SLAMF7: variants seen among roughly 807,000 people sequenced by gnomAD.
SLAMF7 encodes SLAM family member 7, also known as 19A24 protein.
SLAMF7 carries 26 observed loss-of-function variants against 34.1 expected under a neutral mutation model. The observed-to-expected ratio is 0.76, with a 90% CI of 0.56 to 1.06. The LOEUF is 1.06. Among genes scored for constraint, SLAMF7 ranks in the 50% least tolerant of loss-of-function variants. The pLI, the probability that SLAMF7 is intolerant of heterozygous loss-of-function variation, is 0.00. For synonymous variants in SLAMF7, 171 were observed against 156.4 expected, an observed-to-expected ratio of 1.09 and a Z score of -0.70; for missense variants, 399 against 402.5, an observed-to-expected ratio of 0.99 and a Z score of 0.07.
chr1:160,742,935 T>G (rs1663859147), intron 1 of SLAMF7, among the ~76,000 whole-genome samples: 2 of 152,144 alleles, frequency 1.3e-5, no homozygotes, highest in Admixed American at 1.3e-4. Context: ...CTGCTGGAGT[T>G]ATGACTACGG....
intron 1 of SLAMF7, among the ~76,000 whole-genome samples, chr1:160,743,720 A>G (rs113808961): frequency 0.012 from 1,842 of 152,170 alleles, 30 homozygotes; most frequent in African/African-American, 0.042. Flanking sequence ...CCAGGGTCTC[A>G]CTCTGTCATC....
At chr1:160,747,328 C>T (rs189779296) in intron 1 of SLAMF7, among the ~76,000 whole-genome samples, 1 of 152,302 alleles carries the variant, frequency 6.6e-6, no homozygotes, top group East Asian at 1.9e-4. Context: ...CACTGTGCCT[C>T]ACATTCCTGA....
At chr1:160,749,627 T>C (rs1389070406) in intron 2 of SLAMF7, among the ~76,000 whole-genome samples, 194 bp from the exon 3 acceptor site, 3 of 152,226 alleles carry the variant, frequency 2.0e-5, no homozygotes, top group Non-Finnish European at 4.4e-5. Context: ...TTGTTATTAT[T>C]ATTATATAGC....
At chr1:160,752,308 T>A in intron 6 of SLAMF7, 60 bp downstream of exon 6, 1 of 1,445,040 alleles carries the variant, frequency 6.9e-7, no homozygotes, top group Non-Finnish European at 9.7e-7. Context: ...CTGCTTCATG[T>A]TTAGGTCAAA....
At chr1:160,752,711 G>A (rs1664736722) in intron 6 of SLAMF7, among the ~76,000 whole-genome samples, 1 of 152,162 alleles carries the variant, frequency 6.6e-6, no homozygotes, top group South Asian at 2.1e-4. Context: ...AACTACTAAT[G>A]CAGTAGCTTT....
chr1:160,750,092 A>G lies in SLAMF7; in HGVS notation c.648A>G (p.Glu216=). Residue 216 remains glutamate (E), a splice_region_variant and synonymous_variant, in exon 3 of 7, where the codon GAA becomes GAG. Coordinates refer to ENST00000368043, the MANE Select transcript of SLAMF7 (RefSeq NM_021181.5). ...SSPILARKLC[E]GAADDPDSSM... is the part of the protein sequence containing the mutation. ...CCATCCTTGCCAGGAAGCTCTGTGA[A>G]GGTGACTGCCTCTCCCCTCTCCACA... 1 of 1,613,486 alleles carries G rather than the reference A, an allele frequency of 6.2e-7. No individual in the cohort carries two copies. Among genetic ancestry groups the G allele is most frequent in the Non-Finnish European group, 8.5e-7 (1 of 1,179,682 alleles).
rs181992092 is a variant in SLAMF7 at position 160,754,197 on chromosome 1, A to T, written c.*1020A>T. The T allele has an allele frequency of 7.9e-5, 12 of 152,316 alleles. No homozygotes were observed. Among genetic ancestry groups the T allele is most frequent in the African/African-American group, 2.9e-4 (12 of 41,438 alleles). The allele number at this position is 152,316 out of a possible 1,614,324, so 9.4% of individuals were successfully genotyped here. A position where few individuals can be genotyped will look rare whatever the true frequency, so the allele number is the denominator to read the frequency against. On this transcript the variant is annotated 3_prime_UTR_variant, in exon 7 of 7. Transcript: ENST00000368043. ...CCCGGCATGGTGGCTCACACCTGTA[A>T]TCCCAGCACTTTGGGAGGCCAAGGT...
rs1664370688 is a variant in SLAMF7 at position 160,749,295 on chromosome 1, T to G, written c.377-526T>G. Among the ~76,000 whole-genome samples the G allele has an allele frequency of 2.0e-5, 3 of 152,050 alleles. No individual in the cohort carries two copies. The South Asian group carries it at 6.2e-4, about 32-fold the overall frequency. On this transcript the variant is annotated intron_variant, in intron 2 of 6. Coordinates refer to ENST00000368043, the MANE Select transcript of SLAMF7 (RefSeq NM_021181.5). ...ACCTTTAACGTCTCAAACCCATGAGTAGAGAAAGGTAAATGATGAATGTCA... is the reference window on the plus strand; with the variant it reads ...ACCTTTAACGTCTCAAACCCATGAGGAGAGAAAGGTAAATGATGAATGTCA...
intron 1 of SLAMF7, among the ~76,000 whole-genome samples, chr1:160,746,067 AGG>A (rs1664104948): frequency 6.6e-6 from 1 of 152,218 alleles, no homozygotes; most frequent in South Asian, 2.1e-4. Flanking sequence ...CTAAGAGAGC[AGG>A]CTGTGAAATG....
At position 160,752,230 on chromosome 1, in the gene SLAMF7, T is replaced by G. The variant is rs1664690248; in HGVS notation, c.918T>G (p.Thr306=). The G allele has an allele frequency of 1.2e-6, 2 of 1,613,156 alleles. No homozygotes were observed. Among genetic ancestry groups the G allele is most frequent in the Admixed American group, 1.7e-5 (1 of 59,980 alleles). ...ATCCAGCAAATACGGTTTACTCCAC[T>G]GTGGAAATACCGAAAAAGGTAAGAA... The part of the protein sequence containing the change: ...KEDPANTVYS[T]VEIPKKMENP... Residue 306 remains threonine, a synonymous_variant, in exon 6 of 7, where the codon ACT becomes ACG. Transcript: ENST00000368043.
At chr1:160,739,442 C>G (rs1052700875) in intron 1 of SLAMF7, 86 bp downstream of exon 1, 1 of 1,165,812 alleles carries the variant, frequency 8.6e-7, no homozygotes, top group African/African-American at 1.6e-5. Flanking sequence ...GGGCCTCTGG[C>G]TCAACTCGGG....
chr1:160,751,745 T>C lies in SLAMF7; in HGVS notation c.873+297T>C, dbSNP rs147493934. ...CACAAAAGGCCAGATTCCTTTTGCA[T>C]AAGGCAGTGGGTAGAAGAGTGTGAC... is the stretch of plus-strand genomic sequence containing the variant. On this transcript the variant is annotated intron_variant, in intron 5 of 6. Transcript: ENST00000368043. 1.1e-5 allele frequency: 3 copies of C among 284,636 alleles called. No homozygotes were observed. The East Asian group carries it at 2.2e-4, about 21-fold the overall frequency. 17.6% of individuals were successfully genotyped at this position (284,636 alleles called of 1,614,324 possible).
At chr1:160,752,305 A>G in intron 6 of SLAMF7, 57 bp downstream of exon 6, 1 of 1,459,830 alleles carries the variant, frequency 6.9e-7, no homozygotes, top group Non-Finnish European at 9.6e-7. Flanking sequence ...TTCCTGCTTC[A>G]TGTTTAGGTC....
intron 1 of SLAMF7, 41 bp downstream of exon 1, chr1:160,739,397 C>T (rs758542980): frequency 1.9e-5 from 29 of 1,564,306 alleles, no homozygotes; most frequent in Non-Finnish European, 2.5e-5. Flanking sequence ...CTGTCTACCC[C>T]ATCCTGAATA....
At chr1:160,739,625 T>C (rs986960123) in intron 1 of SLAMF7, 4 of 372,834 alleles carry the variant, frequency 1.1e-5, no homozygotes, top group South Asian at 5.4e-5. Flanking sequence ...AGAGACCATT[T>C]TTCTAATCCA....
At chr1:160,751,862 C>CTCTCTCTATA (rs1664646652) in intron 5 of SLAMF7, 1 of 41,914 alleles carries the variant, frequency 2.4e-5, no homozygotes, top group Non-Finnish European at 4.4e-5. Context: ...CTCTCTCTCT[C>CTCTCTCTATA]TATATATATA....
At chr1:160,744,303 G>C (rs530530340) in intron 1 of SLAMF7, among the ~76,000 whole-genome samples, 1 of 152,218 alleles carries the variant, frequency 6.6e-6, no homozygotes, top group South Asian at 2.1e-4. Flanking sequence ...CTGAGAAGCA[G>C]AAGCAAAACT....
chr1:160,740,257 G>T (rs542528873), intron 1 of SLAMF7, among the ~76,000 whole-genome samples: 1 of 147,686 alleles, frequency 6.8e-6, no homozygotes, highest in Non-Finnish European at 1.5e-5. Flanking sequence ...GGTCTAACCA[G>T]GTGGTTCTGG....
chr1:160,752,147 G>A (rs1170127645), intron 5 of SLAMF7, 39 bp from the exon 6 acceptor site: 14 of 1,516,096 alleles, frequency 9.2e-6, no homozygotes, highest in Non-Finnish European at 1.1e-5. Flanking sequence ...TTCAGGAGGT[G>A]GGTGATGATT....
Sources: gnomAD v4.1 joint callset for allele counts (sites outside exome capture counted in the v4.1 genomes callset) on GRCh38, gnomAD v4.1.1 for gene constraint, MANE v1.5 for transcripts, NCBI Gene and HGNC (gene_info 2026-07-23, HGNC 2026-07-21) for gene names.